The following CHCHD3 variants were observed in gnomAD, a reference collection of about 807,000 sequenced individuals.
CHCHD3 encodes the protein coiled-coil-helix-coiled-coil-helix domain containing 3, also known as MICOS complex subunit MIC19.
Under a neutral mutation model 38.2 loss-of-function variants are expected in CHCHD3, and 20 were observed. The ratio of observed to expected loss-of-function variants is 0.52; its 90% CI spans 0.37 to 0.76. The LOEUF (loss-of-function observed/expected upper bound fraction) is 0.76. Among genes scored for constraint, CHCHD3 ranks in the 30% least tolerant of loss-of-function variants. CHCHD3 has a pLI of 0.00. For missense variants in CHCHD3, 245 were observed against 279.2 expected (o/e 0.88, Z 0.87); for synonymous variants, 82 against 100.0 (o/e 0.82, Z 1.07).
intron 5 of CHCHD3, among the ~76,000 whole-genome samples, chr7:132,873,171 T>A (rs138448165): frequency 8.0e-4 from 122 of 152,144 alleles, no homozygotes; most frequent in African/African-American, 2.8e-3. Flanking sequence ...AGTGAAAATT[T>A]AATAGTCCAC....
intron 4 of CHCHD3, among the ~76,000 whole-genome samples, chr7:132,916,338 G>A (rs959480285): frequency 6.6e-6 from 1 of 152,086 alleles, no homozygotes; most frequent in African/African-American, 2.4e-5. Flanking sequence ...AAATCTTATT[G>A]AGAAGCCTCT....
chr7:132,886,972 ACTTT>A (rs1562896968), intron 4 of CHCHD3: 2 of 1,304,204 alleles, frequency 1.5e-6, no homozygotes, highest in East Asian at 3.1e-5. Flanking sequence ...TTTGCTACTT[ACTTT>A]GTCTTCAATA....
At chr7:132,809,196 A>G (rs972837382) in intron 6 of CHCHD3, among the ~76,000 whole-genome samples, 2 of 151,822 alleles carry the variant, frequency 1.3e-5, no homozygotes, top group African/African-American at 4.8e-5. Flanking sequence ...TCTGGGCTCA[A>G]GTGATCTGCC....
intron 4 of CHCHD3, among the ~76,000 whole-genome samples, chr7:132,957,684 T>C (rs896203602): frequency 5.3e-5 from 8 of 152,180 alleles, no homozygotes; most frequent in African/African-American, 1.9e-4. Context: ...TTTCGCCATG[T>C]TGGTCAGGCT....
intron 5 of CHCHD3, among the ~76,000 whole-genome samples, chr7:132,857,518 C>T (rs1808369978): frequency 6.6e-6 from 1 of 152,138 alleles, no homozygotes; most frequent in African/African-American, 2.4e-5. Flanking sequence ...AGCGATTCTC[C>T]TGCCTCAGCC....
intron 6 of CHCHD3, among the ~76,000 whole-genome samples, chr7:132,806,126 G>A (rs964755282): frequency 2.0e-5 from 3 of 152,204 alleles, no homozygotes; most frequent in Non-Finnish European, 2.9e-5. Flanking sequence ...GGAACTGACC[G>A]TGGAGAGAAC....
chr7:132,970,903 A>C (rs1237619655), intron 4 of CHCHD3, among the ~76,000 whole-genome samples: 1 of 152,190 alleles, frequency 6.6e-6, no homozygotes, highest in African/African-American at 2.4e-5. Flanking sequence ...TTGAGCCAGG[A>C]GTTCAAGATC....
chr7:132,803,055 C>G (rs1806830336), intron 6 of CHCHD3, among the ~76,000 whole-genome samples: 1 of 152,072 alleles, frequency 6.6e-6, no homozygotes, highest in African/African-American at 2.4e-5. Flanking sequence ...AGTGGGTTAA[C>G]AATGCAGTTT....
chr7:132,989,976 C>T (rs899607233), intron 3 of CHCHD3, among the ~76,000 whole-genome samples: 4 of 152,078 alleles, frequency 2.6e-5, no homozygotes. Context: ...ATCAGCAGGG[C>T]TTAATGGCCA....
intron 4 of CHCHD3, among the ~76,000 whole-genome samples, chr7:132,962,105 C>T (rs920771878): frequency 6.6e-6 from 1 of 152,066 alleles, no homozygotes; most frequent in African/African-American, 2.4e-5. Context: ...CATTTATGCC[C>T]GGCCTGTGAC....
intron 4 of CHCHD3, among the ~76,000 whole-genome samples, chr7:132,930,163 A>ATTTTT (rs769791949): frequency 3.7e-4 from 47 of 127,466 alleles, no homozygotes; most frequent in Admixed American, 5.7e-4. Context: ...CCCACTCCTA[A>ATTTTT]TTTTTTTTTT....
intron 1 of CHCHD3, among the ~76,000 whole-genome samples, chr7:133,076,926 T>C (rs550497138): frequency 3.7e-4 from 57 of 152,300 alleles, no homozygotes; most frequent in Admixed American, 6.5e-4. Context: ...ACCCATTTTT[T>C]CTCTCTTGAT....
In CHCHD3 at chr7:132,796,481, C is replaced by T. The variant is rs761156651; in HGVS notation, c.621G>A (p.Leu207=). The change falls in exon 7 of 8, where the codon CTG becomes CTA. Residue 207 remains leucine (L), a synonymous_variant. Coordinates refer to ENST00000262570, the MANE Select transcript of CHCHD3 (RefSeq NM_017812.4). ...NTHQTLKCSA[L]ATQYMHCVNH... ...TGACACAGTGCATATACTGGGTGGCCAGAGCGGAGCATTTGAGGGTCTGGT... is the reference window on the plus strand; with the variant it reads ...TGACACAGTGCATATACTGGGTGGCTAGAGCGGAGCATTTGAGGGTCTGGT... 7.4e-6 allele frequency: 12 copies of T among 1,613,872 alleles called. No homozygotes were observed. The South Asian group carries it at 1.2e-4, about 16-fold the overall frequency.
intron 3 of CHCHD3, among the ~76,000 whole-genome samples, chr7:132,984,671 T>G (rs371727110): frequency 6.9e-6 from 1 of 144,304 alleles, no homozygotes; most frequent in Non-Finnish European, 1.5e-5. Flanking sequence ...GCCTCTGCCC[T>G]GCCGCCCCGT....
At chr7:132,914,715 G>T (rs899645444) in intron 4 of CHCHD3, among the ~76,000 whole-genome samples, 1 of 152,192 alleles carries the variant, frequency 6.6e-6, no homozygotes, top group South Asian at 2.1e-4. Flanking sequence ...ACATGACAGG[G>T]GTGCCTGACA....
intron 2 of CHCHD3, among the ~76,000 whole-genome samples, chr7:133,038,702 G>A (rs1813747058): frequency 6.6e-6 from 1 of 152,172 alleles, no homozygotes; most frequent in Admixed American, 6.5e-5. Flanking sequence ...AACCCGGATA[G>A]CATTTTCTAC....
rs1337373987 is a variant in CHCHD3, at chr7:133,022,883, T to C, written c.251+1663A>G. On this transcript the variant is annotated intron_variant, in intron 3 of 7. Transcript: ENST00000262570. The stretch of plus-strand genomic sequence containing the variant: ...AAAAAAAAAAACCCACAGTGAGTTA[T>C]TTTAACAAAAAGCCTGCACCATATG... 4.8e-5 allele frequency among the ~76,000 whole-genome samples: 7 copies of C among 146,506 alleles called. 1 individual carries two copies. Among genetic ancestry groups the C allele is most frequent in the African/African-American group, 1.5e-4 (6 of 39,914 alleles).
intron 6 of CHCHD3, among the ~76,000 whole-genome samples, chr7:132,837,726 T>C (rs373675749): frequency 6.6e-6 from 1 of 152,192 alleles, no homozygotes; most frequent in East Asian, 1.9e-4. Context: ...CATGTGCTAC[T>C]AATAGAGGTT....
intron 4 of CHCHD3, among the ~76,000 whole-genome samples, chr7:132,915,556 C>T (rs1488061830): frequency 1.3e-5 from 2 of 152,040 alleles, no homozygotes; most frequent in Non-Finnish European, 2.9e-5. Flanking sequence ...AATTTTATTG[C>T]CTCACTCTTT....
Sources: gnomAD v4.1 joint callset for allele counts (sites outside exome capture counted in the v4.1 genomes callset) on GRCh38, gnomAD v4.1.1 for gene constraint, MANE v1.5 for transcripts, NCBI Gene and HGNC (gene_info 2026-07-23, HGNC 2026-07-21) for gene names.